The following TTBK1 variants were observed in gnomAD, a reference collection of about 807,000 sequenced individuals.
TTBK1 encodes the protein tau tubulin kinase 1, also known as tau-tubulin kinase 1.
TTBK1 carries 34 observed loss-of-function variants against 108.5 expected under a neutral mutation model. The observed-to-expected ratio is 0.31, with a 90% CI of 0.24 to 0.42. The LOEUF is 0.42. TTBK1 is among the 10% of genes least tolerant of loss of function. The pLI is 1.00. For missense variants in TTBK1, 1,539 were observed against 1,826.0 expected, an observed-to-expected ratio of 0.84 and a Z score of 2.86; for synonymous variants, 809 against 795.1, an observed-to-expected ratio of 1.02 and a Z score of -0.29.
intron 2 of TTBK1, among the ~76,000 whole-genome samples, chr6:43,251,143 G>A (rs1342957777): frequency 2.0e-5 from 3 of 152,152 alleles, no homozygotes; most frequent in African/African-American, 7.2e-5. Context: ...GTCTCTTTCT[G>A]GAGTGAGTTC....
chr6:43,243,908 C>A lies in TTBK1; in HGVS notation c.-55+200C>A, dbSNP rs1582466240. Among the ~76,000 whole-genome samples, 1 of 152,122 alleles carries A rather than the reference C, an allele frequency of 6.6e-6. No individual in the cohort carries two copies. Among genetic ancestry groups the A allele is most frequent in the African/African-American group, 2.4e-5 (1 of 41,436 alleles). ...CCGCTCCCTGTCCCCAGCACACAGA[C>A]CTCCCTCCCCAACCCGTCCTCCGGG... On this transcript the variant is annotated intron_variant, in intron 1 of 14. Transcript: ENST00000259750. This position sits in a 1 kb window ranked among gnomAD's most constrained non-coding sequence, Gnocchi z 5.5.
At position 43,253,271 on chromosome 6, in the gene TTBK1, C is replaced by T. The variant is rs143235476; in HGVS notation, c.257-20C>T. 2.5e-5 allele frequency: 40 copies of T among 1,613,598 alleles called. No homozygotes were observed. Among genetic ancestry groups the T allele is most frequent in the Non-Finnish European group, 3.1e-5 (36 of 1,179,678 alleles). Reference sequence around the variant, plus strand: ...GGAAGAAAGAGTAAGAGCTGGAAGACCTATGTCTGTGCCCCTCAGGGAAGG... The same window carrying T: ...GGAAGAAAGAGTAAGAGCTGGAAGATCTATGTCTGTGCCCCTCAGGGAAGG... On this transcript the variant is annotated intron_variant, in intron 3 of 14. Coordinates refer to ENST00000259750, the MANE Select transcript of TTBK1 (RefSeq NM_032538.3). This position sits in a 1 kb window ranked among gnomAD's most constrained non-coding sequence, Gnocchi z 5.8.
chr6:43,255,850 C>T lies in TTBK1; in HGVS notation c.855C>T (p.Asp285=), dbSNP rs371564967. 8.5e-5 allele frequency: 137 copies of T among 1,614,060 alleles called. No individual in the cohort carries two copies. Among genetic ancestry groups the T allele is most frequent in the Middle Eastern group, 3.3e-4 (2 of 6,084 alleles). The change falls in exon 9 of 15, where the codon GAC becomes GAT. Residue 285 remains aspartate (D), a synonymous_variant. Coordinates refer to ENST00000259750, the MANE Select transcript of TTBK1 (RefSeq NM_032538.3). ...GCCTCGACTACTTCACCAAGCCCGA[C>T]TACCAGGTGGGAGCCTGCTACCCTG... ...IASLDYFTKP[D]YQLIMSVFEN...
rs1778215973 is a variant in TTBK1 at position 43,282,945 on chromosome 6, G to GGAGGAGGAGGAGGAAGAT, written c.2211_2228dup (p.Asp741_Glu746dup). 6.5e-7 allele frequency: 1 copy of GGAGGAGGAGGAGGAAGAT among 1,545,928 alleles called. No individual in the cohort carries two copies. The highest frequency in any genetic ancestry group is 1.4e-5 in the African/African-American group (1 of 72,938). On this transcript the variant is annotated inframe_insertion, in exon 14 of 15. Coordinates refer to ENST00000259750, the MANE Select transcript of TTBK1 (RefSeq NM_032538.3). This position sits in a 1 kb window ranked among gnomAD's most constrained non-coding sequence, Gnocchi z 5.4. ...CTCAGGCTAATGGGAAGGAGGAAGA[G>GGAGGAGGAGGAGGAAGAT]GAGGAGGAGGAGGAAGATGAGGAAG...
At position 43,265,080 on chromosome 6, in the gene TTBK1, T is replaced by A. The variant is rs1379126340; in HGVS notation, c.1986+1730T>A. Among the ~76,000 whole-genome samples the A allele has an allele frequency of 1.3e-5, 2 of 152,238 alleles. No homozygotes were observed. The highest frequency in any genetic ancestry group is 3.4e-3 in the Middle Eastern group (1 of 294). On this transcript the variant is annotated intron_variant, in intron 13 of 14. Coordinates refer to ENST00000259750, the MANE Select transcript of TTBK1 (RefSeq NM_032538.3). This position sits in a 1 kb window ranked among gnomAD's most constrained non-coding sequence, Gnocchi z 4.1. ...AGAGGCTGAACTCTGACCTGGGAAA[T>A]GGAGGAAAACTCCAAATGGGGTCCA...
intron 2 of TTBK1, among the ~76,000 whole-genome samples, chr6:43,249,557 T>G (rs1389435304): frequency 6.6e-6 from 1 of 152,030 alleles, no homozygotes; most frequent in Non-Finnish European, 1.5e-5. Flanking sequence ...AGGTTCATTT[T>G]TTTCCCCTGA....
rs1328749574 is a variant in TTBK1, at chr6:43,270,261, A to C, written c.1986+6911A>C. On this transcript the variant is annotated intron_variant, in intron 13 of 14. Coordinates refer to ENST00000259750, the MANE Select transcript of TTBK1 (RefSeq NM_032538.3). The stretch of plus-strand genomic sequence containing the variant: ...CAGCTGGAGCCACTGATGGGTCCAG[A>C]GTCCAGTGGAAAGAGAGGTGTCAGG... 1.4e-5 allele frequency: 16 copies of C among 1,157,908 alleles called. No individual in the cohort carries two copies. The East Asian group carries it at 7.4e-4, about 53-fold the overall frequency. 71.7% of individuals were successfully genotyped at this position (1,157,908 alleles called of 1,614,324 possible).
chr6:43,248,076 T>G (rs952436388), intron 2 of TTBK1: 3 of 152,208 alleles, frequency 2.0e-5, no homozygotes, highest in Admixed American at 2.0e-4. Flanking sequence ...TCTGGCGGAT[T>G]GGAGGCAGAA....
At chr6:43,256,401 G>A (rs942294339) in intron 9 of TTBK1, among the ~76,000 whole-genome samples, 3 of 151,378 alleles carry the variant, frequency 2.0e-5, no homozygotes, top group Middle Eastern at 3.2e-3. Context: ...CCAAGGTGCC[G>A]GGATTACAGG....
intron 2 of TTBK1, 64 bp from the exon 3 acceptor site, chr6:43,252,675 G>A: frequency 6.4e-7 from 1 of 1,573,694 alleles, no homozygotes; most frequent in Non-Finnish European, 8.7e-7. Flanking sequence ...CAACCAAGCA[G>A]CAGGTGGGAT....
In TTBK1 at chr6:43,254,618, G is replaced by C; in HGVS notation, c.543G>C (p.Arg181=). 1.9e-6 allele frequency: 3 copies of C among 1,590,718 alleles called. No individual in the cohort carries two copies. The highest frequency in any genetic ancestry group is 2.6e-6 in the Non-Finnish European group (3 of 1,170,372). Residue 181 remains arginine (R), a synonymous_variant, in exon 6 of 15, where the codon CGG becomes CGC. Transcript: ENST00000259750. ...ATATGCTGGACTTCGGGCTGGCCCG[G>C]CAGTACACCAACACCACGGGGGATG... ...KCYMLDFGLA[R]QYTNTTGDVR...
In TTBK1 at chr6:43,269,466, T is replaced by G. The variant is rs1777766008; in HGVS notation, c.1986+6116T>G. Among the ~76,000 whole-genome samples the G allele has an allele frequency of 6.6e-6, 1 of 152,106 alleles. No individual in the cohort carries two copies. Among genetic ancestry groups the G allele is most frequent in the Admixed American group, 6.5e-5 (1 of 15,276 alleles). On this transcript the variant is annotated intron_variant, in intron 13 of 14. Transcript: ENST00000259750. This position sits in a 1 kb window ranked among gnomAD's most constrained non-coding sequence, Gnocchi z 4.8. ...AGGGCGTTGGAGGCCAGAGCCTAGA[T>G]TCTGAGGCAGGACCTTGGGGCGGGT... is the stretch of plus-strand genomic sequence containing the variant.
In TTBK1 at chr6:43,285,152, T is replaced by C. The variant is rs1778331415; in HGVS notation, c.3742T>C (p.Ser1248Pro). The change falls in exon 15 of 15, where the codon TCC becomes CCC. Residue 1248 changes from serine to proline, a missense_variant. By Grantham distance (74) the Ser-to-Pro change is moderately conservative. This residue lies in a region of TTBK1 where 1,055 missense variants were observed against 1,086.5 expected (regional missense o/e 0.97). Coordinates refer to ENST00000259750, the MANE Select transcript of TTBK1 (RefSeq NM_032538.3). The surrounding 1 kb of genome is among the most constrained non-coding windows in gnomAD (Gnocchi z 4.7). ...STSAARNASASPRSQSLSRRE... is the reference protein window; with the variant it reads ...STSAARNASAPPRSQSLSRRE... ...ATCCGCCGCGCGCAATGCCAGCGCG[T>C]CCCCCCGGAGCCAGTCCCTGTCCCG... 1 of 1,424,984 alleles carries C rather than the reference T, an allele frequency of 7.0e-7. No homozygotes were observed. 88.3% of individuals were successfully genotyped at this position (1,424,984 alleles called of 1,614,324 possible).
chr6:43,251,327 C>T (rs1283195869), intron 2 of TTBK1, among the ~76,000 whole-genome samples: 2 of 152,162 alleles, frequency 1.3e-5, no homozygotes, highest in Non-Finnish European at 2.9e-5. Flanking sequence ...TGATCAGAGT[C>T]GCAAGCCAGC....
At chr6:43,246,505 GC>G in intron 1 of TTBK1, 101 bp from the exon 2 acceptor site, 1 of 567,538 alleles carries the variant, frequency 1.8e-6, no homozygotes. Flanking sequence ...GTCCAGTGGG[GC>G]CAGGAAGAAT....
rs903736702 is a variant in TTBK1 at position 43,253,903 on chromosome 6, C to T, written c.471+195C>T. ...TCCCGTGCTCCCCAGGAGCATGCACCCCTGCCTGCCCCTCGGCCATGGCCA... is the reference window on the plus strand; with the variant it reads ...TCCCGTGCTCCCCAGGAGCATGCACTCCTGCCTGCCCCTCGGCCATGGCCA... On this transcript the variant is annotated intron_variant, in intron 5 of 14. Coordinates refer to ENST00000259750, the MANE Select transcript of TTBK1 (RefSeq NM_032538.3). This position sits in a 1 kb window ranked among gnomAD's most constrained non-coding sequence, Gnocchi z 5.8. 6.6e-6 allele frequency among the ~76,000 whole-genome samples: 1 copy of T among 152,154 alleles called. No homozygotes were observed. Among genetic ancestry groups the T allele is most frequent in the Non-Finnish European group, 1.5e-5 (1 of 68,022 alleles).
Position 43,263,927 on chromosome 6 carries a change from A to G in TTBK1, c.1986+577A>G, listed in dbSNP as rs1777611421. Among the ~76,000 whole-genome samples, 1 of 152,160 alleles carries G rather than the reference A, an allele frequency of 6.6e-6. No individual in the cohort carries two copies. The highest frequency in any genetic ancestry group is 2.1e-4 in the South Asian group (1 of 4,830). ...GCAGGCAGTGGCAAGAGAGTGTCCC[A>G]GTGGCTTGGGCTGAGGTGGGGCTGT... is the stretch of plus-strand genomic sequence containing the variant. On this transcript the variant is annotated intron_variant, in intron 13 of 14. Transcript: ENST00000259750. This position sits in a 1 kb window ranked among gnomAD's most constrained non-coding sequence, Gnocchi z 4.7.
intron 5 of TTBK1, among the ~76,000 whole-genome samples, chr6:43,254,285 C>T (rs1372946872): frequency 3.3e-5 from 5 of 152,236 alleles, no homozygotes; most frequent in Non-Finnish European, 4.4e-5. Context: ...GGCTGAGTCA[C>T]CACTTGCTGT....
At chr6:43,262,758 G>C in intron 12 of TTBK1, 31 bp from the exon 13 acceptor site, 1 of 1,507,082 alleles carries the variant, frequency 6.6e-7, no homozygotes. Context: ...GTGGGGCCAG[G>C]TATTGAGCCC....
Sources: allele counts gnomAD v4.1 joint callset (sites outside exome capture counted in the v4.1 genomes callset), GRCh38; gene constraint gnomAD v4.1.1; regional missense constraint gnomAD v4.1.1; non-coding constraint Gnocchi (gnomAD v3.1); transcripts MANE v1.5; gene names NCBI Gene and HGNC (gene_info 2026-07-23, HGNC 2026-07-21).